Variants in ARID4B observed in about 807,000 individuals in gnomAD.
The protein encoded by ARID4B is AT-rich interaction domain 4B, also known as AT-rich interactive domain-containing protein 4B.
A neutral mutation model predicts 147.5 loss-of-function variants in ARID4B; 26 were observed. The observed-to-expected ratio is 0.18, with a 90% CI of 0.13 to 0.24. The LOEUF (loss-of-function observed/expected upper bound fraction) is 0.24. ARID4B is among the 10% of genes least tolerant of loss of function. The probability of loss-of-function intolerance (pLI) is 1.00; values close to 1 mark genes in which losing one functional copy is unlikely to be tolerated. For synonymous variants in ARID4B, 512 were observed against 507.9 expected (o/e 1.01, Z -0.11); for missense variants, 1,179 against 1,511.5 (o/e 0.78, Z 3.65).
chr1:235,279,590 T>C (rs532273471), intron 2 of ARID4B, among the ~76,000 whole-genome samples: 1 of 152,208 alleles, frequency 6.6e-6, no homozygotes, highest in Non-Finnish European at 1.5e-5. Flanking sequence ...GCTAATCTTC[T>C]ATGCAGAAAA....
At chr1:235,264,436 C>T (rs1451139788) in intron 2 of ARID4B, among the ~76,000 whole-genome samples, 1 of 152,156 alleles carries the variant, frequency 6.6e-6, no homozygotes, top group Non-Finnish European at 1.5e-5. Context: ...ATCACTCTAT[C>T]ATTACTTTAA....
At chr1:235,170,935 CCA>C (rs922245669) in intron 23 of ARID4B, among the ~76,000 whole-genome samples, 1 of 132,588 alleles carries the variant, frequency 7.5e-6, no homozygotes, top group Non-Finnish European at 1.6e-5. Flanking sequence ...AAAAAAAAAA[CCA>C]CACACACACA....
At chr1:235,229,106 G>C (rs1012668762) in intron 11 of ARID4B, 125 bp downstream of exon 11, 3 of 1,130,014 alleles carry the variant, frequency 2.7e-6, no homozygotes, top group Non-Finnish European at 3.7e-6. Flanking sequence ...TCAAATACAA[G>C]ATTATGAAAT....
intron 6 of ARID4B, among the ~76,000 whole-genome samples, chr1:235,248,477 A>T (rs1480453515): frequency 6.6e-6 from 1 of 152,214 alleles, no homozygotes; most frequent in East Asian, 1.9e-4. Flanking sequence ...AAACAGGGAA[A>T]ATAAATTAAT....
chr1:235,299,890 A>T (rs1333343563), intron 2 of ARID4B, among the ~76,000 whole-genome samples: 1 of 152,202 alleles, frequency 6.6e-6, no homozygotes, highest in Non-Finnish European at 1.5e-5. Flanking sequence ...ATATAGAACT[A>T]AAAAAGAGTG....
At chr1:235,314,910 T>C (rs1017102118) in intron 2 of ARID4B, among the ~76,000 whole-genome samples, 2 of 152,206 alleles carry the variant, frequency 1.3e-5, no homozygotes, top group African/African-American at 2.4e-5. Context: ...TTGAAGTGCA[T>C]TGTTAAAATA....
intron 13 of ARID4B, among the ~76,000 whole-genome samples, chr1:235,221,886 A>ACTTTTTT (rs1667489970): frequency 1.9e-5 from 1 of 53,632 alleles, no homozygotes; most frequent in Non-Finnish European, 3.2e-5. Flanking sequence ...TCATTTGACT[A>ACTTTTTT]TTTTTTTTTT....
intron 2 of ARID4B, among the ~76,000 whole-genome samples, chr1:235,305,707 C>G (rs1490255994): frequency 6.6e-6 from 1 of 151,996 alleles, no homozygotes; most frequent in Non-Finnish European, 1.5e-5. Flanking sequence ...GCCTATAATC[C>G]CAGCACTTTA....
At chr1:235,209,144 C>T (rs1015067704) in intron 17 of ARID4B, among the ~76,000 whole-genome samples, 1 of 152,172 alleles carries the variant, frequency 6.6e-6, no homozygotes, top group Non-Finnish European at 1.5e-5. Flanking sequence ...TCAACATTTT[C>T]AGCTGTGAAA....
chr1:235,285,850 A>C (rs983976832), intron 2 of ARID4B, among the ~76,000 whole-genome samples: 2 of 152,230 alleles, frequency 1.3e-5, no homozygotes, highest in Non-Finnish European at 1.5e-5. Flanking sequence ...AAAATTACTA[A>C]ATATTTAGAG....
chr1:235,263,811 C>A (rs1336498660), intron 2 of ARID4B, among the ~76,000 whole-genome samples: 2 of 151,148 alleles, frequency 1.3e-5, no homozygotes, highest in Non-Finnish European at 1.5e-5. Flanking sequence ...CACGGTGAAA[C>A]CCCGTCTCTA....
chr1:235,323,657 G>T (rs1027325947), intron 2 of ARID4B, among the ~76,000 whole-genome samples: 61 of 151,868 alleles, frequency 4.0e-4, no homozygotes, highest in African/African-American at 1.4e-3. Context: ...GATGGTGCAT[G>T]CCTATAATTC....
intron 2 of ARID4B, among the ~76,000 whole-genome samples, chr1:235,322,330 T>C (rs189938180): frequency 6.6e-6 from 1 of 152,284 alleles, no homozygotes. Context: ...AAGAAAATTT[T>C]CGACTCCCTC....
intron 10 of ARID4B, among the ~76,000 whole-genome samples, chr1:235,230,197 C>T (rs1488583231): frequency 2.0e-5 from 3 of 152,058 alleles, no homozygotes; most frequent in South Asian, 4.1e-4. Flanking sequence ...GGGTGGACTG[C>T]CTGAGCTCAG....
chr1:235,268,388 C>A (rs1241839846), intron 2 of ARID4B, among the ~76,000 whole-genome samples: 1 of 147,226 alleles, frequency 6.8e-6, no homozygotes, highest in South Asian at 2.2e-4. Context: ...CACACACACA[C>A]AGAAAAATAA....
At chr1:235,183,500 G>T (rs565983360) in intron 19 of ARID4B, among the ~76,000 whole-genome samples, 2 of 151,832 alleles carry the variant, frequency 1.3e-5, no homozygotes, top group African/African-American at 4.8e-5. Flanking sequence ...GAGCCACCAC[G>T]CCTGGCCCCA....
intron 17 of ARID4B, among the ~76,000 whole-genome samples, chr1:235,205,481 A>G (rs1397649432): frequency 1.3e-5 from 2 of 152,224 alleles, no homozygotes; most frequent in Non-Finnish European, 2.9e-5. Flanking sequence ...CTCAGATTAG[A>G]ACAACAATGT....
intron 2 of ARID4B, among the ~76,000 whole-genome samples, chr1:235,280,563 C>A (rs942827185): frequency 2.0e-4 from 31 of 152,386 alleles, no homozygotes; most frequent in African/African-American, 6.7e-4. Context: ...ACGGCTCCTG[C>A]CAGAACCCAA....
chr1:235,236,838 A>ATATATATATATATATATATGTATG (rs1236963554), intron 8 of ARID4B, among the ~76,000 whole-genome samples: 1 of 27,892 alleles, frequency 3.6e-5, no homozygotes, highest in African/African-American at 1.1e-4. Flanking sequence ...TAAAAAATAT[A>ATATATATATATATATATATGTATG]TATATATATA....
Sources: gnomAD v4.1 joint callset for allele counts (sites outside exome capture counted in the v4.1 genomes callset) on GRCh38, gnomAD v4.1.1 for gene constraint, MANE v1.5 for transcripts, NCBI Gene and HGNC (gene_info 2026-07-23, HGNC 2026-07-21) for gene names.